Variants in ANO1 observed in about 807,000 individuals in gnomAD.
ANO1 encodes the protein anoctamin 1, also known as anoctamin-1.
Under a neutral mutation model 124.0 loss-of-function variants are expected in ANO1, and 59 were observed. That is an observed-to-expected ratio of 0.48 (90% CI 0.39 to 0.59). ANO1 has a LOEUF of 0.59. Ranked by LOEUF, ANO1 falls within the 20% of genes least tolerant of loss-of-function variation. The probability of loss-of-function intolerance (pLI) is 0.00; values close to 1 mark genes in which losing one functional copy is unlikely to be tolerated. For synonymous variants in ANO1, 529 were observed against 532.0 expected (o/e 0.99, Z 0.08); for missense variants, 1,059 against 1,328.0 (o/e 0.80, Z 3.15).
At chr11:70,140,017 G>A (rs1042869705) in intron 11 of ANO1, among the ~76,000 whole-genome samples, 1 of 152,196 alleles carries the variant, frequency 6.6e-6, no homozygotes, top group African/African-American at 2.4e-5. Context: ...GAGCTGCGCT[G>A]AGGACTGCCT....
chr11:70,001,199 G>GT (rs1856376657), intron 1 of ANO1, among the ~76,000 whole-genome samples: 1 of 152,226 alleles, frequency 6.6e-6, no homozygotes, highest in Non-Finnish European at 1.5e-5. Context: ...GCTGTAGTCT[G>GT]AGAAACCCCA....
intron 11 of ANO1, among the ~76,000 whole-genome samples, chr11:70,142,597 A>G (rs1189375222): frequency 6.6e-6 from 1 of 152,206 alleles, no homozygotes; most frequent in Non-Finnish European, 1.5e-5. Context: ...CACTAAGCAA[A>G]CATTGCACTT....
At position 70,087,896 on chromosome 11, in the gene ANO1, C is replaced by T; in HGVS notation, c.253C>T (p.His85Tyr). ...GNRTLVRRVQ[H>Y]SDTPSGARSV... ...CCGGACCCTGGTCAGGAGGGTGCAG[C>T]ACAGCGACACCCCCTCTGGGGCTCG... The change falls in exon 2 of 26, where the codon CAC becomes TAC. Residue 85 changes from histidine to tyrosine, a missense_variant. Transcript: ENST00000355303. 1 of 1,611,438 alleles carries T rather than the reference C, an allele frequency of 6.2e-7. No individual in the cohort carries two copies. The highest frequency in any genetic ancestry group is 8.5e-7 in the Non-Finnish European group (1 of 1,179,174).
At chr11:70,182,767 C>A in intron 24 of ANO1, 81 bp downstream of exon 24, 1 of 1,219,674 alleles carries the variant, frequency 8.2e-7, no homozygotes, top group Non-Finnish European at 1.1e-6. Context: ...GGGCTCAAAT[C>A]AGGAGCAAGT....
At chr11:70,181,481 C>T (rs904148615) in intron 23 of ANO1, among the ~76,000 whole-genome samples, 1 of 152,228 alleles carries the variant, frequency 6.6e-6, no homozygotes, top group Non-Finnish European at 1.5e-5. Flanking sequence ...CCTTATCCCG[C>T]CCAGACAAAG....
chr11:70,088,092 T>C lies in ANO1; in HGVS notation c.441+8T>C. Reference sequence around the variant, plus strand: ...CTGGAGCGGGACGAGGACGTAACTATCTCACTGCGCGCTGTTTGTGGGGGG... The same window carrying C: ...CTGGAGCGGGACGAGGACGTAACTACCTCACTGCGCGCTGTTTGTGGGGGG... On this transcript the variant is annotated splice_region_variant and intron_variant, in intron 2 of 25. Coordinates refer to ENST00000355303, the MANE Select transcript of ANO1 (RefSeq NM_018043.7). 3 of 836,114 alleles carry C rather than the reference T, an allele frequency of 3.6e-6. No individual in the cohort carries two copies. The highest frequency in any genetic ancestry group is 6.5e-5 in the South Asian group (2 of 30,838). The allele number at this position is 836,114 out of a possible 1,614,324, so 51.8% of individuals were successfully genotyped here.
chr11:70,097,846 G>A (rs761565128), intron 2 of ANO1, among the ~76,000 whole-genome samples: 5 of 152,134 alleles, frequency 3.3e-5, no homozygotes, highest in South Asian at 2.1e-4. Context: ...GCTGTTCCCC[G>A]TCCTAGGGAT....
chr11:69,985,612 C>T (rs1856023846), upstream of ANO1, among the ~76,000 whole-genome samples: 1 of 152,220 alleles, frequency 6.6e-6, no homozygotes, highest in Non-Finnish European at 1.5e-5. Context: ...AACACCCCTT[C>T]CCTGGGGCCC....
At chr11:69,985,588 C>T (rs1378807771), upstream of ANO1, among the ~76,000 whole-genome samples, 1 of 152,218 alleles carries the variant, frequency 6.6e-6, no homozygotes, top group African/African-American at 2.4e-5. Context: ...GGCTCAAGGC[C>T]CCCTCCTGTA....
At chr11:70,001,553 G>A (rs948854068) in intron 1 of ANO1, among the ~76,000 whole-genome samples, 6 of 152,250 alleles carry the variant, frequency 3.9e-5, no homozygotes, top group African/African-American at 7.2e-5. Context: ...CAAATCTGAC[G>A]TTGAACAAAA....
chr11:70,119,112 G>A (rs989564752), intron 8 of ANO1, among the ~76,000 whole-genome samples: 9 of 150,158 alleles, frequency 6.0e-5, no homozygotes, highest in Non-Finnish European at 1.3e-4. Flanking sequence ...ATCAATGATG[G>A]ATGGATGATG....
At chr11:70,021,880 C>A (rs112071608) in intron 1 of ANO1, among the ~76,000 whole-genome samples, 8 of 152,308 alleles carry the variant, frequency 5.3e-5, no homozygotes, top group Non-Finnish European at 1.5e-5. Context: ...CCAAAGAGTG[C>A]GCAGAGTATT....
intron 16 of ANO1, among the ~76,000 whole-genome samples, chr11:70,158,377 C>CGA (rs56827710): frequency 0.014 from 2,134 of 152,360 alleles, 52 homozygotes; most frequent in African/African-American, 0.046. Context: ...CACCTAGCCC[C>CGA]GAGTCCTGGT....
chr11:70,154,758 G>A (rs2047740285), intron 14 of ANO1, among the ~76,000 whole-genome samples: 2 of 152,162 alleles, frequency 1.3e-5, no homozygotes, highest in Non-Finnish European at 2.9e-5. Flanking sequence ...GCGAGCCACT[G>A]TGCCCAGCCA....
rs1228947377 is a variant in ANO1 at position 70,124,244 on chromosome 11, G to GATGA, written c.898-97_898-94dup. ...GCCCACTCTCAAGAAGTGTTTATGG[G>GATGA]ATGAATGAATGATGTCACGGAGGCT... is the stretch of plus-strand genomic sequence containing the variant. On this transcript the variant is annotated intron_variant, in intron 8 of 25. Transcript: ENST00000355303. 11 of 1,028,618 alleles carry GATGA rather than the reference G, an allele frequency of 1.1e-5. No individual in the cohort carries two copies. The Admixed American group carries it at 2.1e-4, about 20-fold the overall frequency. The allele number at this position is 1,028,618 out of a possible 1,614,324, so 63.7% of individuals were successfully genotyped here.
rs186460394 is a variant in ANO1 at position 70,161,662 on chromosome 11, C to A, written c.1821C>A (p.Ile607=). The change falls in exon 18 of 26, where the codon ATC becomes ATA. Residue 607 remains isoleucine (I), a synonymous_variant. Coordinates refer to ENST00000355303, the MANE Select transcript of ANO1 (RefSeq NM_018043.7). The part of the protein sequence containing the change: ...KTEKSFEERL[I]FKAFLLKFVN... ...AGAAAAGCTTTGAGGAGAGGCTGAT[C>A]TTCAAGGCTTTCCTGCTGAAGTTTG... 39 of 1,614,030 alleles carry A rather than the reference C, an allele frequency of 2.4e-5. No homozygotes were observed. The Admixed American group carries it at 4.8e-4, about 20-fold the overall frequency.
intron 10 of ANO1, among the ~76,000 whole-genome samples, chr11:70,131,352 G>A (rs547702815): frequency 6.6e-6 from 1 of 152,142 alleles, no homozygotes; most frequent in Admixed American, 6.5e-5. Context: ...TGTTGAGATG[G>A]AGTCTCGCTC....
chr11:70,077,807 C>T (rs921679057), upstream of ANO1, among the ~76,000 whole-genome samples: 2 of 152,222 alleles, frequency 1.3e-5, no homozygotes, highest in African/African-American at 4.8e-5. Flanking sequence ...GGGCACAGAA[C>T]ACTAAGCACT....
At chr11:70,070,434 G>C (rs574448331) in intron 1 of ANO1, among the ~76,000 whole-genome samples, 19 of 152,176 alleles carry the variant, frequency 1.2e-4, no homozygotes, top group Non-Finnish European at 2.5e-4. Context: ...ACTAATCCCA[G>C]CACTTTGGGA....
Sources: allele counts gnomAD v4.1 joint callset (sites outside exome capture counted in the v4.1 genomes callset), GRCh38; gene constraint gnomAD v4.1.1; transcripts MANE v1.5; gene names NCBI Gene and HGNC (gene_info 2026-07-23, HGNC 2026-07-21).